KCNH1: variants seen among roughly 807,000 people sequenced by gnomAD.
KCNH1 encodes voltage-gated delayed rectifier potassium channel KCNH1.
KCNH1 carries 27 observed loss-of-function variants against 69.2 expected under a neutral mutation model. The observed-to-expected ratio is 0.39, with a 90% CI of 0.29 to 0.54. KCNH1 has a LOEUF of 0.54. Ranked by LOEUF, KCNH1 falls within the 20% of genes least tolerant of loss-of-function variation. The probability of loss-of-function intolerance (pLI) is 0.68; values close to 1 mark genes in which losing one functional copy is unlikely to be tolerated. For synonymous variants in KCNH1, 456 were observed against 487.7 expected, an observed-to-expected ratio of 0.93 and a Z score of 0.86; for missense variants, 798 against 1,261.6, an observed-to-expected ratio of 0.63 and a Z score of 5.57.
At chr1:211,105,576 C>T (rs1189525667) in intron 2 of KCNH1, among the ~76,000 whole-genome samples, 2 of 152,096 alleles carry the variant, frequency 1.3e-5, no homozygotes, top group African/African-American at 4.8e-5. Flanking sequence ...GAAGGGATAC[C>T]TTCGGGTAAT....
At chr1:210,694,888 C>T (rs1020216753) in intron 10 of KCNH1, among the ~76,000 whole-genome samples, 9 of 152,194 alleles carry the variant, frequency 5.9e-5, no homozygotes, top group African/African-American at 2.2e-4. Flanking sequence ...TTAAAGAAAG[C>T]TAAGACGCTT....
chr1:210,976,325 C>T (rs1260932581), intron 6 of KCNH1, among the ~76,000 whole-genome samples: 2 of 147,880 alleles, frequency 1.4e-5, no homozygotes, highest in African/African-American at 4.9e-5. Context: ...GCACTATTCA[C>T]AATAGCAAAG....
chr1:211,031,939 G>A lies in KCNH1; in HGVS notation c.559-12683C>T, dbSNP rs1009376042. Among the ~76,000 whole-genome samples, 3 of 152,060 alleles carry A rather than the reference G, an allele frequency of 2.0e-5. No homozygotes were observed. In the South Asian group the frequency reaches 6.2e-4, roughly 32 times the overall value. ...AATCAGGCAGGAGAAGGAAATAAAG[G>A]GTATTCAATTAGGAAAAGAGGAAGT... On this transcript the variant is annotated intron_variant, in intron 5 of 10. Coordinates refer to ENST00000271751, the MANE Select transcript of KCNH1 (RefSeq NM_172362.3).
At chr1:210,717,146 G>T (rs1235374699) in intron 10 of KCNH1, among the ~76,000 whole-genome samples, 1 of 152,134 alleles carries the variant, frequency 6.6e-6, no homozygotes, top group African/African-American at 2.4e-5. Flanking sequence ...AGAAGAAAAA[G>T]CTGCCCTTAT....
At chr1:210,718,701 T>C (rs918027108) in intron 10 of KCNH1, among the ~76,000 whole-genome samples, 4 of 143,744 alleles carry the variant, frequency 2.8e-5, no homozygotes, top group African/African-American at 2.6e-5. Context: ...CATATATATA[T>C]ACACACTAAG....
At chr1:210,764,555 G>A (rs964201949) in intron 10 of KCNH1, among the ~76,000 whole-genome samples, 1 of 152,040 alleles carries the variant, frequency 6.6e-6, no homozygotes, top group African/African-American at 2.4e-5. Context: ...GTGGGCAAAC[G>A]ACATGAACAG....
intron 5 of KCNH1, among the ~76,000 whole-genome samples, chr1:211,020,332 C>A (rs573489874): frequency 2.9e-4 from 44 of 151,868 alleles, no homozygotes; most frequent in African/African-American, 1.0e-3. Context: ...TACAAAGGAT[C>A]ATTAGAAGCT....
intron 1 of KCNH1, among the ~76,000 whole-genome samples, chr1:211,107,851 G>T (rs536010702): frequency 6.6e-6 from 1 of 152,164 alleles, no homozygotes; most frequent in East Asian, 1.9e-4. Context: ...ACCTAGGAGG[G>T]CATCTCAGGA....
At chr1:210,975,058 C>A (rs1688578506) in intron 6 of KCNH1, among the ~76,000 whole-genome samples, 1 of 152,030 alleles carries the variant, frequency 6.6e-6, no homozygotes, top group South Asian at 2.1e-4. Flanking sequence ...TTCTGATGCC[C>A]TTTAATTCTT....
chr1:211,076,544 C>G (rs1460953551), intron 5 of KCNH1, among the ~76,000 whole-genome samples: 6 of 152,182 alleles, frequency 3.9e-5, no homozygotes, highest in African/African-American at 9.7e-5. Flanking sequence ...AACTAACAAA[C>G]AGAAAGGAAT....
chr1:210,994,102 T>G (rs1334349049), intron 6 of KCNH1, among the ~76,000 whole-genome samples: 1 of 152,226 alleles, frequency 6.6e-6, no homozygotes, highest in Non-Finnish European at 1.5e-5. Context: ...AACACAAAAT[T>G]GCTGACATTC....
chr1:210,962,404 C>T (rs1309181082), intron 6 of KCNH1, among the ~76,000 whole-genome samples: 1 of 152,108 alleles, frequency 6.6e-6, no homozygotes, highest in East Asian at 1.9e-4. Context: ...GTGTTCTCCT[C>T]CTGTCCCCTG....
At chr1:210,881,434 T>C (rs1179099419) in intron 7 of KCNH1, among the ~76,000 whole-genome samples, 1 of 152,224 alleles carries the variant, frequency 6.6e-6, no homozygotes, top group African/African-American at 2.4e-5. Flanking sequence ...CAAAATGGTA[T>C]AGCCACTTTG....
chr1:211,111,928 G>A lies in KCNH1; in HGVS notation c.80-4551C>T, dbSNP rs370055276. 2.2e-4 allele frequency among the ~76,000 whole-genome samples: 15 copies of A among 67,846 alleles called. 1 individual carries two copies. The highest frequency in any genetic ancestry group is 1.1e-3 in the South Asian group (2 of 1,752). The allele number at this position is 67,846 out of a possible 152,430, so 44.5% of individuals were successfully genotyped here. ...AGTGCCTCTGCCTGGCTACTGCACCGTCTAGGAAGTGAGGTGCCCCTCTGC... is the reference window on the plus strand; with the variant it reads ...AGTGCCTCTGCCTGGCTACTGCACCATCTAGGAAGTGAGGTGCCCCTCTGC... On this transcript the variant is annotated intron_variant, in intron 1 of 10. Coordinates refer to ENST00000271751, the MANE Select transcript of KCNH1 (RefSeq NM_172362.3).
At chr1:211,105,182 G>A (rs1035406535) in intron 2 of KCNH1, among the ~76,000 whole-genome samples, 1 of 152,196 alleles carries the variant, frequency 6.6e-6, no homozygotes, top group African/African-American at 2.4e-5. Context: ...AACTGAGCTT[G>A]TTAAATTATC....
intron 5 of KCNH1, among the ~76,000 whole-genome samples, chr1:211,024,681 A>G (rs534724313): frequency 7.4e-4 from 112 of 152,292 alleles, no homozygotes; most frequent in African/African-American, 2.7e-3. Flanking sequence ...TTGAGGGAAG[A>G]ACAGAATCAG....
chr1:211,072,084 T>A (rs146167281), intron 5 of KCNH1, among the ~76,000 whole-genome samples: 778 of 152,244 alleles, frequency 5.1e-3, no homozygotes, highest in Non-Finnish European at 8.9e-3. Context: ...AAGACCAGCC[T>A]GGCCAGCATG....
chr1:211,064,769 AG>A (rs1377972226), intron 5 of KCNH1, among the ~76,000 whole-genome samples: 2 of 152,182 alleles, frequency 1.3e-5, no homozygotes, highest in Non-Finnish European at 2.9e-5. Context: ...AAAATAAATA[AG>A]GCACTCAAAA....
At chr1:210,732,041 G>C (rs1242035019) in intron 10 of KCNH1, among the ~76,000 whole-genome samples, 2 of 152,048 alleles carry the variant, frequency 1.3e-5, no homozygotes, top group Non-Finnish European at 2.9e-5. Context: ...ATCTCAGAAA[G>C]TCATTTAGGA....
Sources: gnomAD v4.1 joint callset for allele counts (sites outside exome capture counted in the v4.1 genomes callset) on GRCh38, gnomAD v4.1.1 for gene constraint, MANE v1.5 for transcripts, NCBI Gene and HGNC (gene_info 2026-07-23, HGNC 2026-07-21) for gene names.